Variants in NT5DC1 observed in about 807,000 individuals in gnomAD.
NT5DC1 encodes 5'-nucleotidase domain-containing protein 1.
Under a neutral mutation model 59.4 loss-of-function variants are expected in NT5DC1, and 42 were observed. The ratio of observed to expected loss-of-function variants is 0.71; its 90% CI spans 0.55 to 0.92. The LOEUF (loss-of-function observed/expected upper bound fraction) is 0.92, where lower values mean the gene tolerates loss of function less well. Ranked by LOEUF, NT5DC1 falls within the 40% of genes least tolerant of loss-of-function variation. The pLI, the probability that NT5DC1 is intolerant of heterozygous loss-of-function variation, is 0.00. For missense variants in NT5DC1, 501 were observed against 537.1 expected (o/e 0.93, Z 0.66); for synonymous variants, 172 against 188.1 (o/e 0.91, Z 0.70).
At chr6:116,112,379 C>T (rs994327910) in intron 4 of NT5DC1, among the ~76,000 whole-genome samples, 1 of 152,130 alleles carries the variant, frequency 6.6e-6, no homozygotes, top group African/African-American at 2.4e-5. Flanking sequence ...TGTGATACCA[C>T]AGCCCAATTA....
chr6:116,223,132 G>T lies in NT5DC1; in HGVS notation c.802+1G>T. 6.5e-7 allele frequency: 1 copy of T among 1,539,686 alleles called. No individual in the cohort carries two copies. The highest frequency in any genetic ancestry group is 9.0e-7 in the Non-Finnish European group (1 of 1,114,028). ...AGTCAGAGACCTTTCCGGACACTCG[G>T]TAAGTTACATTTGGTTTCTTTCTTT... is the stretch of plus-strand genomic sequence containing the variant. On this transcript the variant is annotated splice_donor_variant, in intron 8 of 11. Transcript: ENST00000319550. LOFTEE classifies it high-confidence loss of function.
At chr6:116,216,765 T>C (rs549003246) in intron 6 of NT5DC1, among the ~76,000 whole-genome samples, 1 of 152,264 alleles carries the variant, frequency 6.6e-6, no homozygotes, top group African/African-American at 2.4e-5. Flanking sequence ...TTTATCTCTT[T>C]TATCCTCCAA....
chr6:116,197,479 C>T, intron 6 of NT5DC1, among the ~76,000 whole-genome samples: 1 of 151,932 alleles, frequency 6.6e-6, no homozygotes, highest in East Asian at 1.9e-4. Context: ...TGACCTTCAC[C>T]ACCTTTTACC....
intron 6 of NT5DC1, among the ~76,000 whole-genome samples, chr6:116,217,837 TGTA>T (rs1396397464): frequency 1.3e-5 from 2 of 152,304 alleles, no homozygotes; most frequent in East Asian, 1.9e-4. Flanking sequence ...TATAATCCAT[TGTA>T]GTATGTTTAA....
chr6:116,147,577 AC>A lies in NT5DC1; in HGVS notation c.529+29635del, dbSNP rs1779930500. ...AAAAAGTATTTAAAGCAAAACAATA[AC>A]CCAGTTGAATAATGGATAAAGAATT... On this transcript the variant is annotated intron_variant, in intron 6 of 11. Coordinates refer to ENST00000319550, the MANE Select transcript of NT5DC1 (RefSeq NM_152729.3). 2.6e-5 allele frequency among the ~76,000 whole-genome samples: 4 copies of A among 152,332 alleles called. No homozygotes were observed. In the South Asian group the frequency reaches 8.3e-4, roughly 32 times the overall value.
intron 6 of NT5DC1, among the ~76,000 whole-genome samples, chr6:116,202,009 A>G (rs1196527979): frequency 6.6e-6 from 1 of 152,004 alleles, no homozygotes; most frequent in Admixed American, 6.6e-5. Flanking sequence ...TGGAGTGAAG[A>G]AATAGTCTAT....
intron 11 of NT5DC1, among the ~76,000 whole-genome samples, chr6:116,243,405 CT>C (rs1771775069): frequency 6.6e-6 from 1 of 152,044 alleles, no homozygotes; most frequent in Admixed American, 6.5e-5. Flanking sequence ...TGAGATATCT[CT>C]AAATGTGATT....
chr6:116,122,874 TACATA>T (rs1779175934), intron 6 of NT5DC1, among the ~76,000 whole-genome samples: 1 of 152,160 alleles, frequency 6.6e-6, no homozygotes, highest in Admixed American at 6.5e-5. Flanking sequence ...TTAATATAAA[TACATA>T]GAGCTTTCCC....
chr6:116,240,783 A>G (rs1204535009), intron 11 of NT5DC1, among the ~76,000 whole-genome samples: 1 of 152,226 alleles, frequency 6.6e-6, no homozygotes, highest in Non-Finnish European at 1.5e-5. Context: ...ATAGCTTTAA[A>G]TTGCTGAAAG....
chr6:116,208,075 G>A (rs1254838559), intron 6 of NT5DC1, among the ~76,000 whole-genome samples: 1 of 151,820 alleles, frequency 6.6e-6, no homozygotes, highest in African/African-American at 2.4e-5. Flanking sequence ...CTCAGTGTGG[G>A]GCAGATTTCC....
chr6:116,107,021 A>C (rs947350916), intron 2 of NT5DC1, among the ~76,000 whole-genome samples: 1 of 151,498 alleles, frequency 6.6e-6, no homozygotes, highest in Non-Finnish European at 1.5e-5. Flanking sequence ...CGAAACCCCA[A>C]CTCTGCAAAA....
At chr6:116,207,703 A>G (rs17077672) in intron 6 of NT5DC1, among the ~76,000 whole-genome samples, 6,212 of 151,996 alleles carry the variant, frequency 0.041, 424 homozygotes, top group African/African-American at 0.14. Flanking sequence ...CCCTGCTTAG[A>G]GTAGAATATT....
intron 6 of NT5DC1, chr6:116,120,356 C>G: frequency 6.2e-7 from 1 of 1,614,242 alleles, no homozygotes; most frequent in Non-Finnish European, 8.5e-7. Context: ...AGTAAAGATT[C>G]CAGTCCTTGG....
At chr6:116,123,552 A>G (rs1562126335) in intron 6 of NT5DC1, among the ~76,000 whole-genome samples, 1 of 152,216 alleles carries the variant, frequency 6.6e-6, no homozygotes, top group Non-Finnish European at 1.5e-5. Context: ...ATAATTTAGT[A>G]TGTTTTGACA....
chr6:116,133,872 C>A (rs1260829392), intron 6 of NT5DC1, among the ~76,000 whole-genome samples: 1 of 152,082 alleles, frequency 6.6e-6, no homozygotes, highest in East Asian at 1.9e-4. Context: ...AAAAATGTAA[C>A]AAATAGAAAA....
In NT5DC1 at chr6:116,240,991, A is replaced by G. The variant is rs567965120; in HGVS notation, c.1252+1868A>G. On this transcript the variant is annotated intron_variant, in intron 11 of 11. Coordinates refer to ENST00000319550, the MANE Select transcript of NT5DC1 (RefSeq NM_152729.3). ...AAACCCCGTCTCTACTAAAAGTACA[A>G]AAATTAGCCGGGTGTGGTAGCAGGT... Among the ~76,000 whole-genome samples the G allele has an allele frequency of 3.3e-5, 5 of 152,248 alleles. No homozygotes were observed. In the South Asian group the frequency reaches 1.0e-3, roughly 32 times the overall value.
intron 10 of NT5DC1, 122 bp downstream of exon 10, chr6:116,238,470 A>G (rs1639271046): frequency 4.6e-6 from 2 of 431,434 alleles, no homozygotes; most frequent in Admixed American, 4.5e-5. Flanking sequence ...ATGTTAAAAA[A>G]AAAAAAAAAA....
rs549730634 is a variant in NT5DC1, at chr6:116,179,438, A to G, written c.530-41616A>G. ...AATCTACAAGGAATTCAAACAAATC[A>G]GCAGAAAAAAAACAATCCTATCAAA... On this transcript the variant is annotated intron_variant, in intron 6 of 11. Coordinates refer to ENST00000319550, the MANE Select transcript of NT5DC1 (RefSeq NM_152729.3). 9.9e-5 allele frequency among the ~76,000 whole-genome samples: 15 copies of G among 152,234 alleles called. No individual in the cohort carries two copies. The East Asian group carries it at 2.7e-3, about 27-fold the overall frequency.
intron 6 of NT5DC1, among the ~76,000 whole-genome samples, chr6:116,161,142 G>T (rs1213708159): frequency 7.0e-6 from 1 of 142,774 alleles, no homozygotes; most frequent in East Asian, 2.1e-4. Flanking sequence ...ATTGAACAAT[G>T]AGAACACATG....
Sources: allele counts gnomAD v4.1 joint callset (sites outside exome capture counted in the v4.1 genomes callset), GRCh38; gene constraint gnomAD v4.1.1; transcripts MANE v1.5; gene names NCBI Gene and HGNC (gene_info 2026-07-23, HGNC 2026-07-21).